Variants in SPOCK3 observed in about 807,000 individuals in gnomAD.
SPOCK3 encodes the protein SPARC (osteonectin), cwcv and kazal like domains proteoglycan 3, also known as testican-3.
Under a neutral mutation model 56.6 loss-of-function variants are expected in SPOCK3, and 30 were observed. The ratio of observed to expected loss-of-function variants is 0.53; its 90% CI spans 0.40 to 0.72. The LOEUF (loss-of-function observed/expected upper bound fraction) is 0.72, where lower values mean the gene tolerates loss of function less well. SPOCK3 is among the 30% of genes least tolerant of loss of function. SPOCK3 has a pLI of 0.00. For missense variants in SPOCK3, 527 were observed against 530.0 expected (o/e 0.99, Z 0.06); for synonymous variants, 196 against 183.3 (o/e 1.07, Z -0.56).
At chr4:167,108,201 T>G (rs974404130) in intron 2 of SPOCK3, among the ~76,000 whole-genome samples, 2 of 151,910 alleles carry the variant, frequency 1.3e-5, no homozygotes, top group Non-Finnish European at 1.5e-5. Context: ...CGTACACTGT[T>G]GGTGGGAATG....
intron 2 of SPOCK3, among the ~76,000 whole-genome samples, chr4:167,141,066 T>C (rs1019724500): frequency 6.6e-6 from 1 of 151,886 alleles, no homozygotes; most frequent in South Asian, 2.1e-4. Context: ...CCCAGAGGAG[T>C]TGGCCTCCTG....
intron 5 of SPOCK3, among the ~76,000 whole-genome samples, chr4:166,891,530 G>T (rs1734786239): frequency 6.6e-6 from 1 of 151,800 alleles, no homozygotes; most frequent in South Asian, 2.1e-4. Flanking sequence ...CCTTTCAAGA[G>T]AACACTTTCA....
rs532533356 is a variant in SPOCK3 at position 167,206,716 on chromosome 4, AT to A, written c.189+27268del. 6.7e-3 allele frequency among the ~76,000 whole-genome samples: 1,010 copies of A among 151,412 alleles called. 45 individuals carry two copies. Among genetic ancestry groups the A allele is most frequent in the Admixed American group, 0.061 (921 of 15,176 alleles). Reference sequence around the variant, plus strand: ...CAAGTAATTCTGTTAACAGATACCAATTTTTTTTTCTTTTTTCTTTTGTTTT... The same window carrying A: ...CAAGTAATTCTGTTAACAGATACCAATTTTTTTTCTTTTTTCTTTTGTTTT... On this transcript the variant is annotated intron_variant, in intron 2 of 10. Coordinates refer to ENST00000357545, the MANE Select transcript of SPOCK3 (RefSeq NM_001040159.2).
chr4:167,187,270 G>GTTT (rs5863863), intron 2 of SPOCK3, among the ~76,000 whole-genome samples: 6 of 139,028 alleles, frequency 4.3e-5, no homozygotes, highest in Admixed American at 2.1e-4. Flanking sequence ...TAGGGTTCCA[G>GTTT]TTTTTTTTTT....
At chr4:166,907,712 T>G (rs1426806012) in intron 5 of SPOCK3, among the ~76,000 whole-genome samples, 1 of 152,110 alleles carries the variant, frequency 6.6e-6, no homozygotes, top group African/African-American at 2.4e-5. Flanking sequence ...TACCAGGGAC[T>G]TTATTGCATA....
At chr4:166,938,955 C>CA (rs1554005598) in intron 4 of SPOCK3, among the ~76,000 whole-genome samples, 4 of 148,328 alleles carry the variant, frequency 2.7e-5, no homozygotes, top group Admixed American at 1.4e-4. Flanking sequence ...CATACACACA[C>CA]CACACACACA....
intron 2 of SPOCK3, among the ~76,000 whole-genome samples, chr4:167,139,958 C>T (rs951855301): frequency 5.3e-5 from 8 of 151,840 alleles, no homozygotes; most frequent in Admixed American, 4.6e-4. Context: ...AGTAGGCAGC[C>T]CCTCTTACCC....
intron 6 of SPOCK3, among the ~76,000 whole-genome samples, chr4:166,813,216 C>T (rs1043000860): frequency 6.6e-6 from 1 of 152,006 alleles, no homozygotes; most frequent in South Asian, 2.1e-4. Context: ...CACTAATGGC[C>T]TGTAGGACAA....
At chr4:166,893,592 T>C (rs1001812503) in intron 5 of SPOCK3, among the ~76,000 whole-genome samples, 2 of 152,124 alleles carry the variant, frequency 1.3e-5, no homozygotes, top group African/African-American at 2.4e-5. Flanking sequence ...TAAAAAAATA[T>C]AGGGCTGAAA....
At chr4:167,110,165 C>T (rs1169139546) in intron 2 of SPOCK3, among the ~76,000 whole-genome samples, 2 of 152,050 alleles carry the variant, frequency 1.3e-5, no homozygotes, top group Non-Finnish European at 2.9e-5. Flanking sequence ...TCTCTCATCT[C>T]AAGTGGGAGC....
chr4:166,831,532 T>C lies in SPOCK3; in HGVS notation c.590-39243A>G, dbSNP rs10033327. Among the ~76,000 whole-genome samples, 1,399 of 152,180 alleles carry C rather than the reference T, an allele frequency of 9.2e-3. 24 individuals carry two copies. Among genetic ancestry groups the C allele is most frequent in the African/African-American group, 0.032 (1,319 of 41,546 alleles). ...TTCTTGAGTAAGCATTAGTTATCTA[T>C]GCTTTTTAAATTATTTGTCTATTTC... On this transcript the variant is annotated intron_variant, in intron 6 of 10. Coordinates refer to ENST00000357545, the MANE Select transcript of SPOCK3 (RefSeq NM_001040159.2).
Position 166,969,486 on chromosome 4 carries a change from T to A in SPOCK3, c.350+30863A>T, listed in dbSNP as rs1745132512. 3.4e-5 allele frequency among the ~76,000 whole-genome samples: 5 copies of A among 147,360 alleles called. No homozygotes were observed. In the South Asian group the frequency reaches 1.1e-3, roughly 32 times the overall value. On this transcript the variant is annotated intron_variant, in intron 4 of 10. Transcript: ENST00000357545. Reference sequence around the variant, plus strand: ...AGTGAGTTTTCATGAGATCTAGTTGTTTAAATGTGTTTAACACTTTTAACA... The same window carrying A: ...AGTGAGTTTTCATGAGATCTAGTTGATTAAATGTGTTTAACACTTTTAACA...
chr4:167,152,164 G>A (rs975934283), intron 2 of SPOCK3, among the ~76,000 whole-genome samples: 2 of 152,138 alleles, frequency 1.3e-5, no homozygotes, highest in African/African-American at 4.8e-5. Flanking sequence ...ATAACACCGT[G>A]CGTCCTAAAG....
At chr4:166,754,296 A>C in intron 8 of SPOCK3, 1 of 1,281,580 alleles carries the variant, frequency 7.8e-7, no homozygotes, top group Non-Finnish European at 9.9e-7. Flanking sequence ...ACAAAATATT[A>C]ATTACTATTT....
intron 7 of SPOCK3, among the ~76,000 whole-genome samples, chr4:166,783,023 A>C (rs1740340628): frequency 6.6e-6 from 1 of 152,318 alleles, no homozygotes; most frequent in South Asian, 2.1e-4. Context: ...ATATTTGCTA[A>C]AAATAGGTCT....
At chr4:166,755,093 A>T (rs1396841020) in intron 7 of SPOCK3, among the ~76,000 whole-genome samples, 2 of 152,124 alleles carry the variant, frequency 1.3e-5, no homozygotes, top group African/African-American at 4.8e-5. Context: ...ATTTTAAAAC[A>T]TCCTATGAAC....
intron 2 of SPOCK3, chr4:167,083,124 C>T: frequency 1.3e-6 from 1 of 759,486 alleles, no homozygotes; most frequent in South Asian, 1.4e-5. Flanking sequence ...TACTTCTTAA[C>T]TAATTACAGC....
chr4:166,800,970 T>C (rs1742530013), intron 6 of SPOCK3, among the ~76,000 whole-genome samples: 1 of 152,216 alleles, frequency 6.6e-6, no homozygotes, highest in Non-Finnish European at 1.5e-5. Context: ...ATATTTTGAC[T>C]GTACCTTTTC....
chr4:167,194,221 T>C lies in SPOCK3; in HGVS notation c.189+39764A>G, dbSNP rs1469051029. Among the ~76,000 whole-genome samples the C allele has an allele frequency of 2.8e-5, 4 of 140,570 alleles. 1 individual carries two copies. The highest frequency in any genetic ancestry group is 6.1e-5 in the Non-Finnish European group (4 of 65,254). 92.2% of individuals were successfully genotyped at this position (140,570 alleles called of 152,430 possible). On this transcript the variant is annotated intron_variant, in intron 2 of 10. Coordinates refer to ENST00000357545, the MANE Select transcript of SPOCK3 (RefSeq NM_001040159.2). ...CTCTATGAATATTTCACTTCTGTCA[T>C]TGTATTTTTCAATTCTAGAATTTAT...
Sources: gnomAD v4.1 joint callset for allele counts (sites outside exome capture counted in the v4.1 genomes callset) on GRCh38, gnomAD v4.1.1 for gene constraint, MANE v1.5 for transcripts, NCBI Gene and HGNC (gene_info 2026-07-23, HGNC 2026-07-21) for gene names.